Variants in NCKAP5 observed in about 807,000 individuals in gnomAD.
NCKAP5 encodes the protein nck-associated protein 5.
Under a neutral mutation model 167.0 loss-of-function variants are expected in NCKAP5, and 92 were observed. The ratio of observed to expected loss-of-function variants is 0.55; its 90% CI spans 0.47 to 0.66. The LOEUF (loss-of-function observed/expected upper bound fraction) is 0.66, where lower values mean the gene tolerates loss of function less well. Among genes scored for constraint, NCKAP5 ranks in the 30% least tolerant of loss-of-function variants. NCKAP5 has a pLI of 0.00. For missense variants in NCKAP5, 2,378 were observed against 2,315.0 expected (o/e 1.03, Z -0.56); for synonymous variants, 891 against 877.4 (o/e 1.02, Z -0.27).
At chr2:132,828,567 G>A (rs912454751) in intron 11 of NCKAP5, among the ~76,000 whole-genome samples, 1 of 152,122 alleles carries the variant, frequency 6.6e-6, no homozygotes, top group East Asian at 1.9e-4. Flanking sequence ...ACAGCCTGTG[G>A]AACTGTGAGC....
intron 4 of NCKAP5, among the ~76,000 whole-genome samples, chr2:133,247,137 C>G (rs2088041173): frequency 6.6e-6 from 1 of 152,118 alleles, no homozygotes; most frequent in East Asian, 1.9e-4. Context: ...TTTATAAACA[C>G]CTAATACACA....
At chr2:133,260,498 AC>A (rs2088847719) in intron 4 of NCKAP5, among the ~76,000 whole-genome samples, 1 of 152,226 alleles carries the variant, frequency 6.6e-6, no homozygotes, top group Non-Finnish European at 1.5e-5. Context: ...CATAGGTGAA[AC>A]AAAATATTTA....
intron 19 of NCKAP5, among the ~76,000 whole-genome samples, chr2:132,698,459 T>C (rs929786132): frequency 1.3e-5 from 2 of 152,118 alleles, no homozygotes; most frequent in African/African-American, 4.8e-5. Context: ...ATATTTAGTA[T>C]GGGGGAATGA....
At chr2:133,564,120 G>A (rs1051765183) in intron 1 of NCKAP5, among the ~76,000 whole-genome samples, 5 of 151,640 alleles carry the variant, frequency 3.3e-5, no homozygotes, top group African/African-American at 1.2e-4. Flanking sequence ...GGCAACAAGA[G>A]TGAAACTCCA....
the NCKAP5 span, among the ~76,000 whole-genome samples, chr2:133,674,354 G>A: frequency 6.6e-6 from 1 of 152,148 alleles, no homozygotes; most frequent in Non-Finnish European, 1.5e-5. Flanking sequence ...ATAACTGTTG[G>A]TTCCAAGGAG....
intron 11 of NCKAP5, among the ~76,000 whole-genome samples, chr2:132,813,294 A>G (rs544869197): frequency 1.3e-5 from 2 of 152,286 alleles, no homozygotes; most frequent in African/African-American, 2.4e-5. Flanking sequence ...TGCAAAATAC[A>G]TGCTTTCCTC....
intron 3 of NCKAP5, among the ~76,000 whole-genome samples, chr2:133,396,678 T>C (rs2151006995): frequency 6.6e-6 from 1 of 152,248 alleles, no homozygotes; most frequent in African/African-American, 2.4e-5. Context: ...CCCACACTAA[T>C]GACACCTCAT....
At chr2:133,071,160 C>A (rs1383087179) in intron 6 of NCKAP5, among the ~76,000 whole-genome samples, 1 of 152,148 alleles carries the variant, frequency 6.6e-6, no homozygotes, top group Non-Finnish European at 1.5e-5. Context: ...TCACAGGGAA[C>A]AACAGAAAAG....
rs115674515 is a variant in NCKAP5, at chr2:133,315,269, T to C, written c.70-12159A>G. Among the ~76,000 whole-genome samples, 484 of 152,154 alleles carry C rather than the reference T, an allele frequency of 3.2e-3. 5 individuals are homozygous for C. Among genetic ancestry groups the C allele is most frequent in the African/African-American group, 0.011 (466 of 41,504 alleles). On this transcript the variant is annotated intron_variant, in intron 3 of 19. Transcript: ENST00000409261. ...AGGTCACCAGGAGAATCATGCTAAG[T>C]TGTTGGATTCAGGATCTGTTTCGAA... is the stretch of plus-strand genomic sequence containing the variant.
intron 3 of NCKAP5, among the ~76,000 whole-genome samples, chr2:133,506,480 A>G (rs1390013579): frequency 6.6e-6 from 1 of 152,000 alleles, no homozygotes; most frequent in Non-Finnish European, 1.5e-5. Context: ...CTGGCTTCCA[A>G]TTGGGTTCAG....
chr2:133,265,771 G>A (rs947453044), intron 4 of NCKAP5, among the ~76,000 whole-genome samples: 2 of 152,288 alleles, frequency 1.3e-5, no homozygotes, highest in African/African-American at 2.4e-5. Context: ...TGCTGGGGCC[G>A]GGCCAGGGAG....
intron 3 of NCKAP5, among the ~76,000 whole-genome samples, chr2:133,308,079 A>ATTTTTTTT (rs60111877): frequency 6.7e-5 from 6 of 89,394 alleles, no homozygotes; most frequent in African/African-American, 9.1e-5. Context: ...TTATTGTTCT[A>ATTTTTTTT]TTTTTTTTTT....
chr2:133,384,064 G>C (rs1037134722), intron 3 of NCKAP5, among the ~76,000 whole-genome samples: 1 of 152,136 alleles, frequency 6.6e-6, no homozygotes, highest in African/African-American at 2.4e-5. Context: ...AGTTTAATTA[G>C]ATCCCATTTG....
chr2:133,151,518 G>T (rs541350280), intron 5 of NCKAP5, among the ~76,000 whole-genome samples: 1 of 152,020 alleles, frequency 6.6e-6, no homozygotes, highest in Admixed American at 6.6e-5. Flanking sequence ...GTACGCAGAG[G>T]GCAAGTAAAA....
intron 16 of NCKAP5, among the ~76,000 whole-genome samples, chr2:132,772,164 T>C (rs1682131199): frequency 6.6e-6 from 1 of 152,116 alleles, no homozygotes; most frequent in African/African-American, 2.4e-5. Context: ...TAGTAGGCTA[T>C]ACCATCTAGG....
the NCKAP5 span, among the ~76,000 whole-genome samples, chr2:133,627,567 G>C: frequency 6.6e-6 from 1 of 151,912 alleles, no homozygotes; most frequent in African/African-American, 2.4e-5. Context: ...CTGAGGCCAG[G>C]AGTTTGAGAC....
chr2:133,178,829 CAAAAAAAAAAA>C (rs66552853), intron 5 of NCKAP5, among the ~76,000 whole-genome samples: 9 of 58,830 alleles, frequency 1.5e-4, no homozygotes, highest in Non-Finnish European at 2.7e-4. Context: ...GACTCCGTCT[CAAAAAAAAAAA>C]AAAAAAAAAA....
chr2:133,664,329 A>T, the NCKAP5 span, among the ~76,000 whole-genome samples: 1 of 152,206 alleles, frequency 6.6e-6, no homozygotes, highest in East Asian at 1.9e-4. Flanking sequence ...ATATTAAATG[A>T]GCATTGGCTT....
chr2:133,473,584 A>G (rs1679557690), intron 3 of NCKAP5, among the ~76,000 whole-genome samples: 1 of 152,220 alleles, frequency 6.6e-6, no homozygotes, highest in Non-Finnish European at 1.5e-5. Context: ...CCACTGTTCT[A>G]TAAGATAATA....
Sources: gnomAD v4.1 joint callset for allele counts (sites outside exome capture counted in the v4.1 genomes callset) on GRCh38, gnomAD v4.1.1 for gene constraint, MANE v1.5 for transcripts, NCBI Gene and HGNC (gene_info 2026-07-23, HGNC 2026-07-21) for gene names.